The following SLC9A8 variants were observed in gnomAD, a reference collection of about 807,000 sequenced individuals.
SLC9A8 encodes the protein solute carrier family 9 member A8.
A neutral mutation model predicts 66.6 loss-of-function variants in SLC9A8; 48 were observed. That is an observed-to-expected ratio of 0.72 (90% confidence interval 0.57 to 0.92). The LOEUF is 0.92. SLC9A8 is among the 40% of genes least tolerant of loss of function. SLC9A8 has a pLI of 0.00. For synonymous variants in SLC9A8, 274 were observed against 282.6 expected (o/e 0.97, Z 0.31); for missense variants, 599 against 747.3 (o/e 0.80, Z 2.31).
chr20:49,834,504 A>T (rs1421873528), intron 3 of SLC9A8, among the ~76,000 whole-genome samples: 5 of 139,996 alleles, frequency 3.6e-5, no homozygotes, highest in East Asian at 2.1e-4. Context: ...ACACACACAC[A>T]CTATATATAT....
intron 7 of SLC9A8, 42 bp from the exon 8 acceptor site, chr20:49,855,396 G>A: frequency 1.3e-6 from 2 of 1,599,976 alleles, no homozygotes; most frequent in East Asian, 2.2e-5. Flanking sequence ...TGGACCAAGT[G>A]ACACACATTA....
chr20:49,835,581 C>G (rs2087497248), intron 3 of SLC9A8, among the ~76,000 whole-genome samples: 1 of 151,758 alleles, frequency 6.6e-6, no homozygotes, highest in Non-Finnish European at 1.5e-5. Context: ...TTTGCCTGTC[C>G]TGGACATTTC....
chr20:49,834,212 T>C (rs201716340), intron 3 of SLC9A8, among the ~76,000 whole-genome samples: 44,694 of 119,224 alleles, frequency 0.37, 8,865 homozygotes, highest in Middle Eastern at 0.42. Context: ...TATATATATA[T>C]ATACACACAC....
chr20:49,876,221 A>G (rs531714730), intron 11 of SLC9A8, among the ~76,000 whole-genome samples: 1 of 152,256 alleles, frequency 6.6e-6, no homozygotes, highest in Middle Eastern at 3.4e-3. Context: ...GCCAGAGGGT[A>G]TTATTTGTAC....
chr20:49,885,602 G>A (rs183594256), intron 14 of SLC9A8, among the ~76,000 whole-genome samples: 8 of 152,366 alleles, frequency 5.3e-5, no homozygotes, highest in South Asian at 4.1e-4. Flanking sequence ...CTGTGAACAC[G>A]CTTGGCGAAG....
At position 49,890,188 on chromosome 20, in the gene SLC9A8, G is replaced by A. The variant is rs1277328016; in HGVS notation, c.*2252G>A. 6.6e-6 allele frequency: 1 copy of A among 152,220 alleles called. No homozygotes were observed. The highest frequency in any genetic ancestry group is 1.5e-5 in the Non-Finnish European group (1 of 68,048). The allele number at this position is 152,220 out of a possible 1,614,324, so 9.4% of individuals were successfully genotyped here. A position where few individuals can be genotyped will look rare whatever the true frequency, so the allele number is the denominator to read the frequency against. The stretch of plus-strand genomic sequence containing the variant: ...CGGCCAGGTGAGGTCAGCAGCCTGG[G>A]AGAGTGCCCCCAAGAGATGAGGGCA... On this transcript the variant is annotated 3_prime_UTR_variant, in exon 16 of 16. Transcript: ENST00000361573.
intron 11 of SLC9A8, among the ~76,000 whole-genome samples, chr20:49,877,004 T>C (rs2089450178): frequency 6.6e-6 from 1 of 151,922 alleles, no homozygotes; most frequent in Non-Finnish European, 1.5e-5. Flanking sequence ...AATACAGTTT[T>C]AGGCCAGGCG....
At chr20:49,837,409 A>T (rs1328025250) in intron 3 of SLC9A8, among the ~76,000 whole-genome samples, 1 of 152,110 alleles carries the variant, frequency 6.6e-6, no homozygotes, top group Admixed American at 6.6e-5. Context: ...GGTTTACATA[A>T]CCATCCTAGT....
At chr20:49,869,660 C>T (rs2089128099) in intron 10 of SLC9A8, among the ~76,000 whole-genome samples, 1 of 151,726 alleles carries the variant, frequency 6.6e-6, no homozygotes. Context: ...GGTGAAACCC[C>T]ATCTCTACTA....
At chr20:49,830,277 A>C in intron 3 of SLC9A8, 13 of 1,128,546 alleles carry the variant, frequency 1.2e-5, no homozygotes, top group Non-Finnish European at 1.6e-5. Flanking sequence ...AATCGTCTCT[A>C]ACTTGCTAAA....
chr20:49,841,575 T>A (rs1369804716), intron 4 of SLC9A8, among the ~76,000 whole-genome samples: 1 of 147,850 alleles, frequency 6.8e-6, no homozygotes, highest in African/African-American at 2.5e-5. Context: ...TATATATATA[T>A]AAATTATTTA....
intron 10 of SLC9A8, among the ~76,000 whole-genome samples, chr20:49,871,121 TAC>T (rs997314260): frequency 6.6e-6 from 1 of 152,248 alleles, no homozygotes; most frequent in Non-Finnish European, 1.5e-5. Flanking sequence ...GATTGTCTTT[TAC>T]TCTGTACCTC....
intron 4 of SLC9A8, among the ~76,000 whole-genome samples, chr20:49,840,451 T>G (rs1485746286): frequency 6.6e-6 from 1 of 152,176 alleles, no homozygotes; most frequent in African/African-American, 2.4e-5. Flanking sequence ...CTTCCTACTT[T>G]GATGAAGCTC....
intron 5 of SLC9A8, among the ~76,000 whole-genome samples, chr20:49,847,541 A>G (rs2146600517): frequency 6.6e-6 from 1 of 152,274 alleles, no homozygotes; most frequent in African/African-American, 2.4e-5. Flanking sequence ...TACTTCTGAA[A>G]CTTCTATCCA....
In SLC9A8 at chr20:49,815,094, CT is replaced by C. The variant is rs2086501594; in HGVS notation, c.114del (p.Gly39AlafsTer22). 6.2e-7 allele frequency: 1 copy of C among 1,609,046 alleles called. No individual in the cohort carries two copies. The highest frequency in any genetic ancestry group is 1.1e-5 in the South Asian group (1 of 89,994). On this transcript the variant is annotated frameshift_variant, in exon 2 of 16. Transcript: ENST00000361573. LOFTEE classifies it high-confidence loss of function. ...VVTTKLVLPT[P>X]GKPILPVQTG... ...ACGACGAAACTGGTGCTCCCGACCC[CT>C]GGCAAGCCCATCCTCCCCGTGCAGA...
intron 3 of SLC9A8, among the ~76,000 whole-genome samples, chr20:49,835,266 T>G (rs2087483921): frequency 6.6e-6 from 1 of 151,878 alleles, no homozygotes; most frequent in Non-Finnish European, 1.5e-5. Flanking sequence ...GCATGTTCAA[T>G]GCAGCACCAC....
chr20:49,866,506 C>T lies in SLC9A8; in HGVS notation c.958+1662C>T, dbSNP rs138642854. On this transcript the variant is annotated intron_variant, in intron 10 of 15. Coordinates refer to ENST00000361573, the MANE Select transcript of SLC9A8 (RefSeq NM_015266.3). ...ATGTATGAGAGAGTGCCAGTTGCTT[C>T]ATATTGCCACCACACTTATTTTAAT... Among the ~76,000 whole-genome samples, 16 of 152,316 alleles carry T rather than the reference C, an allele frequency of 1.1e-4. No homozygotes were observed. In the East Asian group the frequency reaches 1.5e-3, roughly 15 times the overall value.
chr20:49,836,342 C>CT (rs34860137), intron 3 of SLC9A8, among the ~76,000 whole-genome samples: 5 of 151,404 alleles, frequency 3.3e-5, no homozygotes, highest in Admixed American at 2.0e-4. Flanking sequence ...GTTCTTCCCA[C>CT]TTTTTTTTTG....
chr20:49,881,124 C>T lies in SLC9A8; in HGVS notation c.1270+89C>T, dbSNP rs546603666. 3 of 898,998 alleles carry T rather than the reference C, an allele frequency of 3.3e-6. No homozygotes were observed. In the South Asian group the frequency reaches 4.1e-5, roughly 12 times the overall value. 55.7% of individuals were successfully genotyped at this position (898,998 alleles called of 1,614,324 possible). On this transcript the variant is annotated intron_variant, in intron 13 of 15. Coordinates refer to ENST00000361573, the MANE Select transcript of SLC9A8 (RefSeq NM_015266.3). The stretch of plus-strand genomic sequence containing the variant: ...AGAGCTGTGGTTCTCTGCTAGCGCC[C>T]TTGGCAAAACCACAAGTAATCAATA...
Sources: allele counts gnomAD v4.1 joint callset (sites outside exome capture counted in the v4.1 genomes callset), GRCh38; gene constraint gnomAD v4.1.1; transcripts MANE v1.5; gene names NCBI Gene and HGNC (gene_info 2026-07-23, HGNC 2026-07-21).